The following DNAH14 variants were observed in gnomAD, a reference collection of about 807,000 sequenced individuals.
The protein encoded by DNAH14 is dynein axonemal heavy chain 14.
DNAH14 carries 478 observed loss-of-function variants against 520.9 expected under a neutral mutation model. The ratio of observed to expected loss-of-function variants is 0.92; its 90% CI spans 0.85 to 0.99. The LOEUF (loss-of-function observed/expected upper bound fraction) is 0.99. Ranked by LOEUF, DNAH14 falls within the 50% of genes least tolerant of loss-of-function variation. The pLI is 0.00. For synonymous variants in DNAH14, 1,581 were observed against 1,757.2 expected (o/e 0.90, Z 2.51); for missense variants, 4,831 against 5,234.5 (o/e 0.92, Z 2.38).
chr1:225,012,029 C>T (rs1020678485), intron 10 of DNAH14, among the ~76,000 whole-genome samples: 1 of 152,014 alleles, frequency 6.6e-6, no homozygotes, highest in Non-Finnish European at 1.5e-5. Flanking sequence ...TTAGTTGATG[C>T]AGTTTCTTCA....
chr1:225,304,243 C>G (rs1160399052), intron 57 of DNAH14, among the ~76,000 whole-genome samples: 1 of 152,020 alleles, frequency 6.6e-6, no homozygotes, highest in Admixed American at 6.6e-5. Context: ...CTATTGATGA[C>G]CACTTTAAGA....
At chr1:225,193,859 A>G (rs1291341468) in intron 38 of DNAH14, among the ~76,000 whole-genome samples, 1 of 152,190 alleles carries the variant, frequency 6.6e-6, no homozygotes, top group East Asian at 1.9e-4. Context: ...GTTTCAGGAT[A>G]TAAAATCAAG....
chr1:225,079,336 T>C lies in DNAH14; in HGVS notation c.2554T>C (p.Ser852Pro), dbSNP rs2072821243. ...SKLEKEFLTMSQLYSVAKHHQ... is the reference protein window; with the variant it reads ...SKLEKEFLTMPQLYSVAKHHQ... ...ATTAGAAAAAGAGTTCTTAACAATGTCTCAGCTATATTCTGTTGCAAAGCA... is the reference window on the plus strand; with the variant it reads ...ATTAGAAAAAGAGTTCTTAACAATGCCTCAGCTATATTCTGTTGCAAAGCA... Residue 852 changes from serine (S) to proline (P), a missense_variant, in exon 18 of 86, where the codon TCT (serine) becomes CCT (proline). Coordinates refer to ENST00000682510, the MANE Select transcript of DNAH14 (RefSeq NM_001367479.1). 1 of 1,550,652 alleles carries C rather than the reference T, an allele frequency of 6.4e-7. No individual in the cohort carries two copies. The highest frequency in any genetic ancestry group is 8.7e-7 in the Non-Finnish European group (1 of 1,146,722).
chr1:225,152,047 T>G lies in DNAH14; in HGVS notation c.4983T>G (p.Cys1661Trp), dbSNP rs763591644. The change falls in exon 32 of 86, where the codon TGT (cysteine) becomes TGG (tryptophan). Residue 1661 changes from cysteine to tryptophan, a missense_variant. Cys to Trp is a radical substitution (Grantham distance 215). Coordinates refer to ENST00000682510, the MANE Select transcript of DNAH14 (RefSeq NM_001367479.1). ...AAGAAATTCGTATCAATATGTCTTG[T>G]GCGGTATTTATCACCATGAATCCCA... ...EGKEIRINMS[C>W]AVFITMNPRY... 8 of 1,551,244 alleles carry G rather than the reference T, an allele frequency of 5.2e-6. No homozygotes were observed. In the South Asian group the frequency reaches 9.5e-5, roughly 18 times the overall value.
intron 45 of DNAH14, 90 bp downstream of exon 45, chr1:225,258,208 A>G: frequency 8.5e-7 from 1 of 1,182,916 alleles, no homozygotes; most frequent in Non-Finnish European, 1.1e-6. Context: ...GTAAGTGGGA[A>G]AAAAATATAC....
rs58202867 is a variant in DNAH14, at chr1:225,334,908, G to GTGTGTGTGTGTGTGTA, written c.10080+1403_10080+1404insGTGTGTGTGTGTGTAT. Among the ~76,000 whole-genome samples, 24 of 146,376 alleles carry GTGTGTGTGTGTGTGTA rather than the reference G, an allele frequency of 1.6e-4. 2 individuals carry two copies. The South Asian group carries it at 2.0e-3, about 12-fold the overall frequency. On this transcript the variant is annotated intron_variant, in intron 66 of 85. Coordinates refer to ENST00000682510, the MANE Select transcript of DNAH14 (RefSeq NM_001367479.1). ...TATGTGTGTGTGTGTGTGTGTGTGT[G>GTGTGTGTGTGTGTGTA]TATATGTATATGTATAGCATATATC...
intron 59 of DNAH14, 28 bp downstream of exon 59, chr1:225,307,597 A>G: frequency 3.4e-6 from 5 of 1,490,322 alleles, no homozygotes; most frequent in Non-Finnish European, 4.5e-6. Flanking sequence ...TCTCTTTTAA[A>G]GATTTTATAG....
intron 1 of DNAH14, among the ~76,000 whole-genome samples, chr1:224,949,581 G>T (rs1336624786): frequency 2.0e-5 from 3 of 152,118 alleles, no homozygotes; most frequent in Non-Finnish European, 1.5e-5. Flanking sequence ...ATAAAAATAA[G>T]ATTACTGTTT....
chr1:225,215,009 A>G (rs12088357), intron 41 of DNAH14, among the ~76,000 whole-genome samples: 3,303 of 152,214 alleles, frequency 0.022, 95 homozygotes, highest in African/African-American at 0.063. Flanking sequence ...TAGGGTGTCA[A>G]TTTTAGATCC....
intron 44 of DNAH14, among the ~76,000 whole-genome samples, chr1:225,253,524 ATTGT>A (rs1168188942): frequency 1.3e-5 from 2 of 152,112 alleles, no homozygotes; most frequent in Non-Finnish European, 2.9e-5. Flanking sequence ...AATATGATAA[ATTGT>A]TTGGACATCC....
At chr1:224,941,207 C>T (rs1033182386) in intron 1 of DNAH14, among the ~76,000 whole-genome samples, 108 of 152,118 alleles carry the variant, frequency 7.1e-4, no homozygotes, top group Non-Finnish European at 1.0e-3. Flanking sequence ...TAATGATTGC[C>T]ATTCTAACTG....
At chr1:225,372,759 A>G (rs963431612) in intron 77 of DNAH14, among the ~76,000 whole-genome samples, 3 of 152,210 alleles carry the variant, frequency 2.0e-5, no homozygotes, top group East Asian at 1.9e-4. Context: ...AAATAAAGTC[A>G]ATGGACAAAT....
chr1:225,223,680 C>T (rs1344703768), intron 41 of DNAH14, among the ~76,000 whole-genome samples: 3 of 152,104 alleles, frequency 2.0e-5, no homozygotes, highest in Admixed American at 6.6e-5. Flanking sequence ...ACTTAAAGGA[C>T]GACTTCTATA....
intron 23 of DNAH14, among the ~76,000 whole-genome samples, chr1:225,102,593 T>G (rs374693003): frequency 3.9e-5 from 6 of 152,340 alleles, no homozygotes; most frequent in African/African-American, 1.4e-4. Flanking sequence ...CTAACTGGTG[T>G]GAGATGGTAT....
intron 17 of DNAH14, among the ~76,000 whole-genome samples, chr1:225,078,022 A>G (rs1360529749): frequency 6.6e-6 from 1 of 152,170 alleles, no homozygotes; most frequent in Non-Finnish European, 1.5e-5. Flanking sequence ...ATGCAGGCAT[A>G]CTCCTTAAGA....
At chr1:225,178,020 G>A (rs1335947640) in intron 36 of DNAH14, among the ~76,000 whole-genome samples, 2 of 152,178 alleles carry the variant, frequency 1.3e-5, no homozygotes, top group Non-Finnish European at 2.9e-5. Context: ...ACCCTGCAAA[G>A]CCACAGGGGC....
At chr1:225,054,787 G>C (rs1034877714) in intron 17 of DNAH14, among the ~76,000 whole-genome samples, 2 of 151,926 alleles carry the variant, frequency 1.3e-5, no homozygotes, top group Non-Finnish European at 2.9e-5. Context: ...TGTTTCTTTT[G>C]TGTATGTATA....
rs879888830 is a variant in DNAH14 at position 225,232,268 on chromosome 1, GAT to G, written c.6518+1129_6518+1130del. ...CATTGTCATTATATATATAAACTGT[GAT>G]ATATATATATACACACACACACACA... On this transcript the variant is annotated intron_variant, in intron 42 of 85. Coordinates refer to ENST00000682510, the MANE Select transcript of DNAH14 (RefSeq NM_001367479.1). This position sits in a 1 kb window ranked among gnomAD's most constrained non-coding sequence, Gnocchi z 4.2. Among the ~76,000 whole-genome samples, 7 of 141,682 alleles carry G rather than the reference GAT, an allele frequency of 4.9e-5. No individual in the cohort carries two copies. Among genetic ancestry groups the G allele is most frequent in the Non-Finnish European group, 9.3e-5 (6 of 64,504 alleles). The allele number at this position is 141,682 out of a possible 152,430, so 92.9% of individuals were successfully genotyped here.
chr1:225,319,212 A>G (rs1396844224), intron 61 of DNAH14, among the ~76,000 whole-genome samples: 1 of 152,202 alleles, frequency 6.6e-6, no homozygotes, highest in Non-Finnish European at 1.5e-5. Context: ...CCCTGTCCCA[A>G]ACTTGATCCA....
Sources: gnomAD v4.1 joint callset for allele counts (sites outside exome capture counted in the v4.1 genomes callset) on GRCh38, gnomAD v4.1.1 for gene constraint, Gnocchi (gnomAD v3.1) non-coding constraint, MANE v1.5 for transcripts, NCBI Gene and HGNC (gene_info 2026-07-23, HGNC 2026-07-21) for gene names.